The following NUB1 variants were observed in gnomAD, a reference collection of about 807,000 sequenced individuals.
NUB1 encodes the protein NEDD8 ultimate buster 1.
Under a neutral mutation model 77.1 loss-of-function variants are expected in NUB1, and 41 were observed. The observed-to-expected ratio is 0.53, with a 90% CI of 0.41 to 0.69. The LOEUF (loss-of-function observed/expected upper bound fraction) is 0.69, where lower values mean the gene tolerates loss of function less well. Ranked by LOEUF, NUB1 falls within the 30% of genes least tolerant of loss-of-function variation. The pLI is 0.00. For missense variants in NUB1, 643 were observed against 743.8 expected, an observed-to-expected ratio of 0.86 and a Z score of 1.58; for synonymous variants, 257 against 281.0, an observed-to-expected ratio of 0.91 and a Z score of 0.85.
intron 2 of NUB1, among the ~76,000 whole-genome samples, chr7:151,348,864 C>T (rs901834637): frequency 6.6e-5 from 10 of 152,154 alleles, no homozygotes; most frequent in African/African-American, 2.2e-4. Flanking sequence ...CATGAGCCAC[C>T]GCGCCCAGTC....
chr7:151,351,506 C>T (rs987268183), intron 4 of NUB1, 24 bp downstream of exon 4: 2 of 1,583,798 alleles, frequency 1.3e-6, no homozygotes. Context: ...TGCTCTGTGT[C>T]CTAGGTGCTC....
chr7:151,355,738 T>A (rs1249074348), intron 5 of NUB1, 30 bp from the exon 6 acceptor site: 2 of 1,528,924 alleles, frequency 1.3e-6, no homozygotes, highest in Admixed American at 2.3e-5. Context: ...AATGGCTTTT[T>A]AAAATAATAG....
intron 3 of NUB1, among the ~76,000 whole-genome samples, chr7:151,349,776 T>C (rs1796696870): frequency 6.6e-6 from 1 of 152,212 alleles, no homozygotes; most frequent in Non-Finnish European, 1.5e-5. Flanking sequence ...AATAAGAGCA[T>C]AGGCTCCAGC....
Position 151,345,374 on chromosome 7 carries a change from G to A in NUB1, c.25G>A (p.Ala9Thr), listed in dbSNP as rs776845354. Residue 9 changes from alanine (A) to threonine (T), a missense_variant, in exon 2 of 15, where the codon GCA (alanine) becomes ACA (threonine). Coordinates refer to ENST00000568733, the MANE Select transcript of NUB1 (RefSeq NM_001243351.2). ...GATGGCACAAAAGAAATATCTTCAAGCAAAATTGACCCAGTTTTTAAGGGA... is the reference window on the plus strand; with the variant it reads ...GATGGCACAAAAGAAATATCTTCAAACAAAATTGACCCAGTTTTTAAGGGA... MAQKKYLQ[A>T]KLTQFLREDR... The A allele has an allele frequency of 6.2e-7, 1 of 1,612,046 alleles. No individual in the cohort carries two copies. The highest frequency in any genetic ancestry group is 2.2e-5 in the East Asian group (1 of 44,756).
At chr7:151,365,110 C>T (rs1218089856) in intron 8 of NUB1, among the ~76,000 whole-genome samples, 1 of 151,836 alleles carries the variant, frequency 6.6e-6, no homozygotes, top group African/African-American at 2.4e-5. Flanking sequence ...AGGTGTGAGC[C>T]ACCACACCCA....
chr7:151,345,285 G>A (rs1796451207), intron 1 of NUB1, 63 bp from the exon 2 acceptor site: 1 of 1,021,626 alleles, frequency 9.8e-7, no homozygotes, highest in Non-Finnish European at 1.5e-6. Context: ...TTAACATGTA[G>A]GTAAGTTATT....
intron 7 of NUB1, among the ~76,000 whole-genome samples, chr7:151,359,186 C>A (rs928705006): frequency 6.6e-6 from 1 of 151,706 alleles, no homozygotes; most frequent in African/African-American, 2.4e-5. Flanking sequence ...TGCCTGTAAT[C>A]CCAGCACTTT....
At position 151,376,712 on chromosome 7, in the gene NUB1, C is replaced by CTGTG. The variant is rs759035713; in HGVS notation, c.1570_1571insTGTG (p.Gln524LeufsTer2). 2 of 1,608,402 alleles carry CTGTG rather than the reference C, an allele frequency of 1.2e-6. No individual in the cohort carries two copies. Among genetic ancestry groups the CTGTG allele is most frequent in the African/African-American group, 2.7e-5 (2 of 74,858 alleles). On this transcript the variant is annotated stop_gained and frameshift_variant, in exon 14 of 15. Transcript: ENST00000568733. LOFTEE classifies it high-confidence loss of function. Reference sequence around the variant, plus strand: ...CAGAGGCAACGTCCAGCTGGCCGCCCAGACCCTTGCTCACAACGGAGGAAG... The same window carrying CTGTG: ...CAGAGGCAACGTCCAGCTGGCCGCCCTGTGAGACCCTTGCTCACAACGGAGGAAG...
intron 11 of NUB1, among the ~76,000 whole-genome samples, chr7:151,373,236 G>T (rs1798041974): frequency 6.6e-6 from 1 of 152,168 alleles, no homozygotes. Context: ...ACTTAACTTT[G>T]TTGAAAGCTT....
At chr7:151,357,691 C>T (rs1419853981) in intron 7 of NUB1, among the ~76,000 whole-genome samples, 2 of 151,532 alleles carry the variant, frequency 1.3e-5, no homozygotes, top group Admixed American at 1.3e-4. Flanking sequence ...CTCACTGCAG[C>T]CTTCGCCTCC....
chr7:151,348,569 C>CTTTTTTTTTTTTT (rs59781719), intron 2 of NUB1, among the ~76,000 whole-genome samples: 10 of 69,924 alleles, frequency 1.4e-4, no homozygotes, highest in Non-Finnish European at 2.0e-4. Context: ...TTGCTTTTTG[C>CTTTTTTTTTTTTT]TTTTTTTTTT....
Position 151,356,204 on chromosome 7 carries a change from T to C in NUB1, c.675T>C (p.Ile225=), listed in dbSNP as rs760943699. Residue 225 remains isoleucine (I), a synonymous_variant, in exon 7 of 15, where the codon ATT becomes ATC. Transcript: ENST00000568733. ...IANQTGRSIR[I]PPSERKALML... ...ACCAGACAGGCAGATCAATCAGAATTCCCCCATCAGAAAGAAAAGTAAGTA... is the reference window on the plus strand; with the variant it reads ...ACCAGACAGGCAGATCAATCAGAATCCCCCCATCAGAAAGAAAAGTAAGTA... 1.2e-6 allele frequency: 2 copies of C among 1,612,576 alleles called. No individual in the cohort carries two copies. Among genetic ancestry groups the C allele is most frequent in the Non-Finnish European group, 1.7e-6 (2 of 1,178,720 alleles).
chr7:151,374,536 T>C, intron 12 of NUB1: 1 of 473,944 alleles, frequency 2.1e-6, no homozygotes, highest in Non-Finnish European at 3.8e-6. Flanking sequence ...CAGCAGAGTT[T>C]AGTGAAACAG....
At position 151,355,778 on chromosome 7, in the gene NUB1, T is replaced by G; in HGVS notation, c.426T>G (p.Leu142=). 6.3e-7 allele frequency: 1 copy of G among 1,593,740 alleles called. No individual in the cohort carries two copies. Among genetic ancestry groups the G allele is most frequent in the Non-Finnish European group, 8.5e-7 (1 of 1,170,130 alleles). The change falls in exon 6 of 15, where the codon CTT becomes CTG. Residue 142 remains leucine, a synonymous_variant. Coordinates refer to ENST00000568733, the MANE Select transcript of NUB1 (RefSeq NM_001243351.2). ...TTCTGATTTTTATAGGGAAAACCCT[T>G]GAAGAACAAGGCGTGGCTCACAATG... ...NKKQLQLGKT[L]EEQGVAHNVK... is the part of the protein sequence containing the mutation.
At chr7:151,346,186 G>C (rs7805834) in intron 2 of NUB1, among the ~76,000 whole-genome samples, 1 of 152,212 alleles carries the variant, frequency 6.6e-6, no homozygotes, top group South Asian at 2.1e-4. Context: ...TGCTTGGGAG[G>C]TGACAAACTG....
chr7:151,352,748 C>A (rs1584943162), intron 4 of NUB1, 64 bp from the exon 5 acceptor site: 3 of 1,096,974 alleles, frequency 2.7e-6, no homozygotes, highest in East Asian at 2.4e-5. Flanking sequence ...TGGCTAATGT[C>A]TTTTTAATGG....
In NUB1 at chr7:151,365,786, T is replaced by C. The variant is rs573223886; in HGVS notation, c.801-1153T>C. On this transcript the variant is annotated intron_variant, in intron 8 of 14. Transcript: ENST00000568733. ...AGAGAGATGAAAATAAATATAAAAA[T>C]ACTGCTGTGATACATTTTTCTTGCC... is the stretch of plus-strand genomic sequence containing the variant. Among the ~76,000 whole-genome samples, 11 of 152,338 alleles carry C rather than the reference T, an allele frequency of 7.2e-5. No homozygotes were observed. The East Asian group carries it at 1.9e-3, about 27-fold the overall frequency.
At chr7:151,358,989 C>G (rs1234639312) in intron 7 of NUB1, among the ~76,000 whole-genome samples, 1 of 150,984 alleles carries the variant, frequency 6.6e-6, no homozygotes, top group African/African-American at 2.4e-5. Flanking sequence ...GGCGTGAACT[C>G]GGGAGGCAGA....
In NUB1 at chr7:151,360,230, C is replaced by T. The variant is rs1003479118; in HGVS notation, c.783C>T (p.Asp261=). 14 of 1,601,400 alleles carry T rather than the reference C, an allele frequency of 8.7e-6. No homozygotes were observed. The highest frequency in any genetic ancestry group is 2.7e-5 in the African/African-American group (2 of 74,776). ...EYGIALPCLL[D]ADKYFCECCR... ...GAATAGCCTTGCCATGTCTGTTGGA[C>T]GCTGACAAATATTTCTGGTAGGCGC... is the stretch of plus-strand genomic sequence containing the variant. The change falls in exon 8 of 15, where the codon GAC becomes GAT. Residue 261 remains aspartate (D), a synonymous_variant. Transcript: ENST00000568733.
Sources: allele counts gnomAD v4.1 joint callset (sites outside exome capture counted in the v4.1 genomes callset), GRCh38; gene constraint gnomAD v4.1.1; transcripts MANE v1.5; gene names NCBI Gene and HGNC (gene_info 2026-07-23, HGNC 2026-07-21).